Variants in OR1J2 observed in about 807,000 individuals in gnomAD.
The protein encoded by OR1J2 is olfactory receptor family 1 subfamily J member 2.
For synonymous variants in OR1J2, 142 were observed against 99.7 expected, an observed-to-expected ratio of 1.42 and a Z score of -2.52; for missense variants, 304 against 246.1, an observed-to-expected ratio of 1.24 and a Z score of -1.57.
chr9:122,519,535 A>C, the OR1J2 span: 1 of 1,614,088 alleles, frequency 6.2e-7, no homozygotes, highest in South Asian at 1.1e-5. Context: ...CCCCTCCGCT[A>C]CACCACTATC....
the OR1J2 span, among the ~76,000 whole-genome samples, chr9:122,533,729 A>G: frequency 6.6e-6 from 1 of 152,180 alleles, no homozygotes; most frequent in Non-Finnish European, 1.5e-5. Flanking sequence ...CAATACCCAC[A>G]ACAGTTACAG....
chr9:122,465,677 C>T, the OR1J2 span, among the ~76,000 whole-genome samples: 1 of 152,192 alleles, frequency 6.6e-6, no homozygotes, highest in South Asian at 2.1e-4. Flanking sequence ...CAGGATTCTA[C>T]AATTGCCTCC....
At chr9:122,505,309 C>A in the OR1J2 span, among the ~76,000 whole-genome samples, 1 of 152,170 alleles carries the variant, frequency 6.6e-6, no homozygotes, top group Non-Finnish European at 1.5e-5. Flanking sequence ...AGTCTTGAGG[C>A]AGTTCAGGGC....
At chr9:122,568,626 A>G in the OR1J2 span, 5 of 567,192 alleles carry the variant, frequency 8.8e-6, no homozygotes, top group South Asian at 2.6e-5. Flanking sequence ...TGTTCACCTC[A>G]TGGTCCTTGA....
At chr9:122,448,099 A>G in the OR1J2 span, among the ~76,000 whole-genome samples, 1 of 152,176 alleles carries the variant, frequency 6.6e-6, no homozygotes, top group Non-Finnish European at 1.5e-5. Context: ...GAGTTCCCTC[A>G]GTATTTATTG....
chr9:122,567,876 A>G, the OR1J2 span: 2 of 1,614,058 alleles, frequency 1.2e-6, no homozygotes. Context: ...TGCTTCTGTC[A>G]TCTGCACAAT....
the OR1J2 span, chr9:122,567,146 A>T: frequency 6.4e-6 from 1 of 155,804 alleles, no homozygotes; most frequent in East Asian, 1.9e-4. Context: ...TCTCTTTTCA[A>T]TTTTTTTGCA....
the OR1J2 span, chr9:122,477,224 A>C: frequency 6.2e-7 from 1 of 1,614,136 alleles, no homozygotes; most frequent in Admixed American, 1.7e-5. Flanking sequence ...AAGGCTTTGC[A>C]TATGCCCTTG....
the OR1J2 span, among the ~76,000 whole-genome samples, chr9:122,480,292 T>G: frequency 6.6e-6 from 1 of 152,198 alleles, no homozygotes; most frequent in South Asian, 2.1e-4. Context: ...AAGTGCATTA[T>G]AAATCAGTGA....
the OR1J2 span, among the ~76,000 whole-genome samples, chr9:122,524,087 T>C: frequency 1.9e-4 from 29 of 152,320 alleles, no homozygotes; most frequent in African/African-American, 5.8e-4. Flanking sequence ...ATAATGATGT[T>C]TTGGTCAACA....
chr9:122,511,319 C>T lies in OR1J2; in HGVS notation c.518C>T (p.Thr173Ile). Residue 173 changes from threonine (T) to isoleucine (I), a missense_variant, in exon 1 of 1, where the codon ACC (threonine) becomes ATC (isoleucine). Physicochemically the swap from Thr to Ile is moderately conservative, Grantham distance 89 (BLOSUM62 -1). Coordinates refer to ENST00000335302, the MANE Select transcript of OR1J2 (RefSeq NM_054107.1). ...CGGCTGTCTTTCTGTGCTGCGAACACCATCCCCCATGTCTTCTGTGACCTT... is the reference window on the plus strand; with the variant it reads ...CGGCTGTCTTTCTGTGCTGCGAACATCATCCCCCATGTCTTCTGTGACCTT... The part of the protein sequence containing the change: ...LTRLSFCAAN[T>I]IPHVFCDLAA... 1 of 728,312 alleles carries T rather than the reference C, an allele frequency of 1.4e-6. No individual in the cohort carries two copies. The highest frequency in any genetic ancestry group is 2.5e-6 in the Non-Finnish European group (1 of 393,988). 45.1% of individuals were successfully genotyped at this position (728,312 alleles called of 1,614,324 possible). A position where few individuals can be genotyped will look rare whatever the true frequency, so the allele number is the denominator to read the frequency against.
At chr9:122,548,684 G>GTAATGTA in the OR1J2 span, among the ~76,000 whole-genome samples, 1,187 of 151,778 alleles carry the variant, frequency 7.8e-3, 8 homozygotes, top group Non-Finnish European at 0.013. Context: ...ATGTTGGTGT[G>GTAATGTA]CTGCACCCAT....
the OR1J2 span, among the ~76,000 whole-genome samples, chr9:122,517,302 C>T: frequency 3.9e-5 from 6 of 152,268 alleles, no homozygotes; most frequent in African/African-American, 1.4e-4. Context: ...CCTTAAAATG[C>T]TGGAGTGAGC....
the OR1J2 span, among the ~76,000 whole-genome samples, chr9:122,448,392 G>A: frequency 1.3e-5 from 2 of 152,134 alleles, no homozygotes; most frequent in Admixed American, 6.5e-5. Context: ...ATGTACAATC[G>A]GGTTTTATAC....
the OR1J2 span, among the ~76,000 whole-genome samples, chr9:122,503,404 T>C: frequency 5.3e-5 from 8 of 152,204 alleles, no homozygotes; most frequent in East Asian, 1.9e-4. Flanking sequence ...CATTCAGCAG[T>C]GGCAGCAGCT....
chr9:122,478,528 A>G, the OR1J2 span, among the ~76,000 whole-genome samples: 8 of 152,200 alleles, frequency 5.3e-5, no homozygotes, highest in African/African-American at 1.9e-4. Context: ...TTTTTAAGAC[A>G]TAACACTTTA....
chr9:122,458,349 A>G, the OR1J2 span, among the ~76,000 whole-genome samples: 1 of 152,210 alleles, frequency 6.6e-6, no homozygotes, highest in East Asian at 1.9e-4. Flanking sequence ...GTGGTGTGCT[A>G]AAGTCTAGTT....
chr9:122,533,388 T>A, the OR1J2 span, among the ~76,000 whole-genome samples: 2 of 152,010 alleles, frequency 1.3e-5, no homozygotes, highest in Non-Finnish European at 2.9e-5. Context: ...GATATTGGCA[T>A]TGAGTGGGGT....
chr9:122,510,726 T>G (rs951180892), upstream of OR1J2: 21 of 867,020 alleles, frequency 2.4e-5, no homozygotes, highest in Admixed American at 4.2e-4. Flanking sequence ...TCTTTTAATA[T>G]GACTGCTAAA....
Sources: gnomAD v4.1 joint callset for allele counts (sites outside exome capture counted in the v4.1 genomes callset) on GRCh38, gnomAD v4.1.1 for gene constraint, MANE v1.5 for transcripts, NCBI Gene and HGNC (gene_info 2026-07-23, HGNC 2026-07-21) for gene names.